OCA2: variants seen among roughly 807,000 people sequenced by gnomAD.
OCA2 encodes the protein P protein.
OCA2 carries 77 observed loss-of-function variants against 100.2 expected under a neutral mutation model. The ratio of observed to expected loss-of-function variants is 0.77; its 90% CI spans 0.64 to 0.93. OCA2 has a LOEUF of 0.93. Among genes scored for constraint, OCA2 ranks in the 40% least tolerant of loss-of-function variants. The probability of loss-of-function intolerance (pLI) is 0.00; values close to 1 mark genes in which losing one functional copy is unlikely to be tolerated. For synonymous variants in OCA2, 432 were observed against 439.2 expected (o/e 0.98, Z 0.21); for missense variants, 1,062 against 1,089.1 (o/e 0.98, Z 0.35).
At chr15:27,949,725 A>AAAGAAAC (rs2039969827) in intron 18 of OCA2, among the ~76,000 whole-genome samples, 1 of 152,186 alleles carries the variant, frequency 6.6e-6, no homozygotes, top group African/African-American at 2.4e-5. Flanking sequence ...AACTTCACCA[A>AAAGAAAC]AGATAAATGA....
At chr15:27,849,916 C>G (rs749465655) in intron 22 of OCA2, among the ~76,000 whole-genome samples, 6 of 152,164 alleles carry the variant, frequency 3.9e-5, no homozygotes, top group Non-Finnish European at 7.3e-5. Flanking sequence ...CCCAACACAA[C>G]TGCACTCCTG....
chr15:28,002,816 G>GTGTT (rs1046609030), intron 9 of OCA2, among the ~76,000 whole-genome samples: 1 of 152,176 alleles, frequency 6.6e-6, no homozygotes, highest in African/African-American at 2.4e-5. Flanking sequence ...GTTATCTGAT[G>GTGTT]TGTTCCCTTT....
At position 27,926,112 on chromosome 15, in the gene OCA2, G is replaced by A; in HGVS notation, c.2079+15C>T. Reference sequence around the variant, plus strand: ...TCAGGTAAAATGCCATATGGCAAAAGTTCTAAAATCTTACCTCCATCAGAA... The same window carrying A: ...TCAGGTAAAATGCCATATGGCAAAAATTCTAAAATCTTACCTCCATCAGAA... On this transcript the variant is annotated intron_variant, in intron 19 of 23. Transcript: ENST00000354638. 1 of 1,613,944 alleles carries A rather than the reference G, an allele frequency of 6.2e-7. No individual in the cohort carries two copies. The highest frequency in any genetic ancestry group is 8.5e-7 in the Non-Finnish European group (1 of 1,179,906).
intron 6 of OCA2, among the ~76,000 whole-genome samples, 175 bp from the exon 7 acceptor site, chr15:28,018,732 C>A (rs976592224): frequency 2.0e-5 from 3 of 152,200 alleles, no homozygotes; most frequent in Non-Finnish European, 2.9e-5. Context: ...ACATCTCAGC[C>A]CTCATTCAAG....
intron 1 of OCA2, 46 bp from the exon 2 acceptor site, chr15:28,081,941 G>A (rs1056705400): frequency 4.7e-6 from 7 of 1,476,420 alleles, no homozygotes; most frequent in Non-Finnish European, 6.5e-6. Flanking sequence ...GGCACACTGA[G>A]ACTAACGTTT....
chr15:28,089,761 G>C (rs1281918639), intron 1 of OCA2, among the ~76,000 whole-genome samples: 1 of 152,154 alleles, frequency 6.6e-6, no homozygotes, highest in African/African-American at 2.4e-5. Context: ...TGGACATAAA[G>C]ATGGGAACAA....
chr15:27,765,060 G>C (rs1309744751), intron 23 of OCA2, among the ~76,000 whole-genome samples: 1 of 152,102 alleles, frequency 6.6e-6, no homozygotes, highest in East Asian at 1.9e-4. Flanking sequence ...AGACTGTATA[G>C]ACTAACTTCC....
chr15:27,918,877 A>G (rs1259671569), intron 19 of OCA2, among the ~76,000 whole-genome samples: 1 of 152,214 alleles, frequency 6.6e-6, no homozygotes, highest in Non-Finnish European at 1.5e-5. Flanking sequence ...GACAGACAAA[A>G]GAGACTTTCC....
intron 2 of OCA2, among the ~76,000 whole-genome samples, chr15:28,047,459 C>A (rs2043380319): frequency 6.6e-6 from 1 of 152,142 alleles, no homozygotes; most frequent in Non-Finnish European, 1.5e-5. Flanking sequence ...TACAGACAGA[C>A]CTCATGTCAT....
At chr15:27,918,258 G>C (rs1177188544) in intron 19 of OCA2, among the ~76,000 whole-genome samples, 1 of 151,946 alleles carries the variant, frequency 6.6e-6, no homozygotes, top group African/African-American at 2.4e-5. Context: ...TTTTAGTAGA[G>C]ACAGGGTTTC....
chr15:28,007,711 G>T (rs1303299870), intron 9 of OCA2, among the ~76,000 whole-genome samples: 1 of 150,466 alleles, frequency 6.6e-6, no homozygotes, highest in Non-Finnish European at 1.5e-5. Flanking sequence ...GCCTGGGCAA[G>T]ACTCCATCTC....
chr15:27,755,384 T>A lies in OCA2; in HGVS notation c.*4A>T, dbSNP rs748456675. 1.3e-6 allele frequency: 2 copies of A among 1,594,922 alleles called. No individual in the cohort carries two copies. The highest frequency in any genetic ancestry group is 2.7e-5 in the African/African-American group (2 of 74,512). On this transcript the variant is annotated 3_prime_UTR_variant, in exon 24 of 24. Coordinates refer to ENST00000354638, the MANE Select transcript of OCA2 (RefSeq NM_000275.3). ...TTAGTCTTCGAGCAATAGATGGATG[T>A]CTATTAATTCCATCCCACCACCACA...
At chr15:27,751,581 G>A (rs916084287), downstream of OCA2, among the ~76,000 whole-genome samples, 2 of 152,196 alleles carry the variant, frequency 1.3e-5, no homozygotes, top group Admixed American at 6.5e-5. Flanking sequence ...AACCTCCCAA[G>A]GCTGCAAGGT....
At chr15:27,768,096 G>A (rs2031418274) in intron 23 of OCA2, among the ~76,000 whole-genome samples, 1 of 152,176 alleles carries the variant, frequency 6.6e-6, no homozygotes. Flanking sequence ...GGCGCAGGGA[G>A]GGCCGGCCCA....
At chr15:27,810,913 C>A (rs2151217544) in intron 23 of OCA2, among the ~76,000 whole-genome samples, 1 of 152,068 alleles carries the variant, frequency 6.6e-6, no homozygotes, top group African/African-American at 2.4e-5. Context: ...ATGCTTTTAC[C>A]CTGTGGTGGG....
At chr15:27,801,546 G>A (rs1216494099) in intron 23 of OCA2, among the ~76,000 whole-genome samples, 2 of 71,708 alleles carry the variant, frequency 2.8e-5, no homozygotes, top group African/African-American at 1.6e-4. Flanking sequence ...GTGAGACTCG[G>A]TCTCAAAAAA....
At chr15:27,889,873 C>G (rs2037384290) in intron 19 of OCA2, among the ~76,000 whole-genome samples, 1 of 152,170 alleles carries the variant, frequency 6.6e-6, no homozygotes, top group Non-Finnish European at 1.5e-5. Flanking sequence ...CATCACCTCC[C>G]AGAGTCAAAG....
intron 2 of OCA2, among the ~76,000 whole-genome samples, chr15:28,067,584 T>C (rs1231989560): frequency 6.6e-6 from 1 of 152,210 alleles, no homozygotes; most frequent in Non-Finnish European, 1.5e-5. Context: ...CCTTAATTTT[T>C]ATGTTCACTC....
intron 2 of OCA2, among the ~76,000 whole-genome samples, chr15:28,070,347 G>T (rs1377807931): frequency 7.2e-6 from 1 of 137,956 alleles, no homozygotes; most frequent in African/African-American, 2.9e-5. Flanking sequence ...CAGCCGCCCC[G>T]TCCGGGAGGT....
Sources: gnomAD v4.1 joint callset for allele counts (sites outside exome capture counted in the v4.1 genomes callset) on GRCh38, gnomAD v4.1.1 for gene constraint, MANE v1.5 for transcripts, NCBI Gene and HGNC (gene_info 2026-07-23, HGNC 2026-07-21) for gene names.